ANTXR2: variants seen among roughly 807,000 people sequenced by gnomAD.
ANTXR2 encodes the protein ANTXR cell adhesion molecule 2, also known as anthrax toxin receptor 2.
Under a neutral mutation model 73.7 loss-of-function variants are expected in ANTXR2, and 44 were observed. That is an observed-to-expected ratio of 0.60 (90% CI 0.47 to 0.77). ANTXR2 has a LOEUF of 0.77. Among genes scored for constraint, ANTXR2 ranks in the 30% least tolerant of loss-of-function variants. ANTXR2 has a pLI of 0.00. For synonymous variants in ANTXR2, 217 were observed against 205.9 expected (o/e 1.05, Z -0.46); for missense variants, 604 against 592.5 (o/e 1.02, Z -0.20).
At chr4:80,011,361 C>G (rs549980854) in intron 11 of ANTXR2, among the ~76,000 whole-genome samples, 3 of 152,090 alleles carry the variant, frequency 2.0e-5, no homozygotes, top group African/African-American at 7.2e-5. Context: ...TATCATCTAT[C>G]TATCTGATGA....
chr4:79,914,056 CT>C (rs892637543), intron 16 of ANTXR2, among the ~76,000 whole-genome samples: 39 of 151,098 alleles, frequency 2.6e-4, no homozygotes, highest in Admixed American at 9.9e-4. Context: ...AGCATTCTCT[CT>C]TTTTTTTTGG....
intron 16 of ANTXR2, among the ~76,000 whole-genome samples, chr4:79,910,838 G>A (rs7698686): frequency 0.81 from 123,447 of 152,154 alleles, 50,278 homozygotes; most frequent in East Asian, 1. Flanking sequence ...GAGTAGCACA[G>A]AAGAGGAAAA....
rs1734659499 is a variant in ANTXR2, at chr4:80,069,088, AATGTTCTTC to A, written c.296+339_296+347del. Among the ~76,000 whole-genome samples the A allele has an allele frequency of 3.9e-5, 6 of 152,290 alleles. No homozygotes were observed. The South Asian group carries it at 1.2e-3, about 32-fold the overall frequency. ...AAGGATCCATATCTTTCTCCCCCTC[AATGTTCTTC>A]AAATTCCTGGTTGATTAATATATTA... On this transcript the variant is annotated intron_variant, in intron 3 of 16. Coordinates refer to ENST00000403729, the MANE Select transcript of ANTXR2 (RefSeq NM_058172.6).
At chr4:79,927,876 G>A (rs368867008) in intron 16 of ANTXR2, among the ~76,000 whole-genome samples, 1 of 152,164 alleles carries the variant, frequency 6.6e-6, no homozygotes, top group African/African-American at 2.4e-5. Context: ...GTTGGCAGGA[G>A]TGTGGAAAGA....
intron 11 of ANTXR2, among the ~76,000 whole-genome samples, chr4:80,018,147 T>G (rs6855329): frequency 6.6e-6 from 1 of 152,096 alleles, no homozygotes; most frequent in African/African-American, 2.4e-5. Context: ...GATTTTGGTC[T>G]TTTGGAGGGC....
chr4:80,071,393 G>A (rs1434542063), intron 2 of ANTXR2, among the ~76,000 whole-genome samples, 190 bp downstream of exon 2: 3 of 152,138 alleles, frequency 2.0e-5, no homozygotes, highest in Non-Finnish European at 4.4e-5. Flanking sequence ...CCAAGTTTCT[G>A]GGATCCAGAT....
chr4:80,044,627 C>T (rs1445075593), intron 7 of ANTXR2, among the ~76,000 whole-genome samples: 1 of 151,856 alleles, frequency 6.6e-6, no homozygotes, highest in Non-Finnish European at 1.5e-5. Flanking sequence ...TGAAGATCAA[C>T]CACCCAGCTT....
chr4:80,048,953 C>T (rs945558162), intron 7 of ANTXR2, among the ~76,000 whole-genome samples: 18 of 151,600 alleles, frequency 1.2e-4, no homozygotes, highest in Admixed American at 4.6e-4. Flanking sequence ...TATGGATGAT[C>T]GTTCCCTTCC....
rs1726721176 is a variant in ANTXR2 at position 79,901,913 on chromosome 4, G to A, written c.*5516C>T. ...AGCTCAGGTGGTAATGCGAGCGACG[G>A]GGAATTGCTGTAAATACCCATGAAG... On this transcript the variant is annotated 3_prime_UTR_variant, in exon 17 of 17. Coordinates refer to ENST00000403729, the MANE Select transcript of ANTXR2 (RefSeq NM_058172.6). 1 of 152,102 alleles carries A rather than the reference G, an allele frequency of 6.6e-6. No homozygotes were observed. The highest frequency in any genetic ancestry group is 1.5e-5 in the Non-Finnish European group (1 of 68,054). 9.4% of individuals were successfully genotyped at this position (152,102 alleles called of 1,614,324 possible). A position where few individuals can be genotyped will look rare whatever the true frequency, so the allele number is the denominator to read the frequency against.
chr4:80,025,453 T>C (rs1348249315), intron 10 of ANTXR2, among the ~76,000 whole-genome samples: 1 of 152,192 alleles, frequency 6.6e-6, no homozygotes, highest in Non-Finnish European at 1.5e-5. Flanking sequence ...CATTTTATGA[T>C]CCATTAAAAA....
chr4:80,040,142 G>A (rs947051408), intron 7 of ANTXR2, among the ~76,000 whole-genome samples: 1 of 151,624 alleles, frequency 6.6e-6, no homozygotes, highest in Non-Finnish European at 1.5e-5. Flanking sequence ...GAGAGATGAG[G>A]GTTGAAAAAC....
rs2109914759 is a variant in ANTXR2 at position 79,901,341 on chromosome 4, G to A, written c.*6088C>T. 1 of 152,140 alleles carries A rather than the reference G, an allele frequency of 6.6e-6. No individual in the cohort carries two copies. The highest frequency in any genetic ancestry group is 1.9e-4 in the East Asian group (1 of 5,162). The allele number at this position is 152,140 out of a possible 1,614,324, so 9.4% of individuals were successfully genotyped here. ...CAGATGGTGGAGTACATGATAAGAA[G>A]TTTAGATTTGCTTCTAATTTGGCAC... On this transcript the variant is annotated 3_prime_UTR_variant, in exon 17 of 17. Coordinates refer to ENST00000403729, the MANE Select transcript of ANTXR2 (RefSeq NM_058172.6).
intron 16 of ANTXR2, among the ~76,000 whole-genome samples, chr4:79,948,953 T>G (rs537972942): frequency 3.3e-5 from 5 of 152,214 alleles, no homozygotes; most frequent in Admixed American, 2.6e-4. Context: ...AGCACTATTA[T>G]TCCTTTCTCT....
intron 3 of ANTXR2, among the ~76,000 whole-genome samples, chr4:80,063,492 T>TAA (rs1734358219): frequency 6.6e-6 from 1 of 152,058 alleles, no homozygotes; most frequent in African/African-American, 2.4e-5. Flanking sequence ...TATATATATA[T>TAA]AAATTAAAAT....
chr4:80,054,459 A>G, intron 6 of ANTXR2, 107 bp from the exon 7 acceptor site: 1 of 771,932 alleles, frequency 1.3e-6, no homozygotes, highest in African/African-American at 1.8e-5. Context: ...ACCCCACAGG[A>G]TTAATTTACC....
chr4:80,032,439 C>T (rs542294401), intron 9 of ANTXR2, among the ~76,000 whole-genome samples: 2 of 151,836 alleles, frequency 1.3e-5, no homozygotes, highest in South Asian at 4.1e-4. Flanking sequence ...AATTGTGGAA[C>T]CTACTATGAA....
intron 16 of ANTXR2, among the ~76,000 whole-genome samples, chr4:79,977,005 C>G (rs1156956804): frequency 6.6e-6 from 1 of 152,184 alleles, no homozygotes; most frequent in African/African-American, 2.4e-5. Flanking sequence ...AATTACAAAA[C>G]TAGAGTAATT....
intron 14 of ANTXR2, among the ~76,000 whole-genome samples, chr4:79,981,707 G>A (rs989640110): frequency 1.3e-5 from 2 of 151,988 alleles, no homozygotes; most frequent in African/African-American, 4.8e-5. Context: ...AACGTGTATC[G>A]TGTTTCCCCT....
At chr4:79,988,613 T>C (rs190635536) in intron 12 of ANTXR2, among the ~76,000 whole-genome samples, 17 of 152,112 alleles carry the variant, frequency 1.1e-4, no homozygotes, top group Admixed American at 8.5e-4. Flanking sequence ...CTAACAAAGA[T>C]ATTTGAGACC....
Sources: gnomAD v4.1 joint callset for allele counts (sites outside exome capture counted in the v4.1 genomes callset) on GRCh38, gnomAD v4.1.1 for gene constraint, MANE v1.5 for transcripts, NCBI Gene and HGNC (gene_info 2026-07-23, HGNC 2026-07-21) for gene names.